Variants in CCDC66 observed in about 807,000 individuals in gnomAD.
CCDC66 encodes coiled-coil domain-containing protein 66.
In CCDC66, 133 loss-of-function variants were observed where a neutral mutation model predicts 128.3. The ratio of observed to expected loss-of-function variants is 1.04; its 90% confidence interval spans 0.90 to 1.20. CCDC66 has a LOEUF of 1.20. CCDC66 is among the 50% of genes most tolerant of loss of function. The probability of loss-of-function intolerance (pLI) is 0.00; values close to 1 mark genes in which losing one functional copy is unlikely to be tolerated. For synonymous variants in CCDC66, 387 were observed against 357.0 expected, an observed-to-expected ratio of 1.08 and a Z score of -0.95; for missense variants, 1,126 against 1,075.5, an observed-to-expected ratio of 1.05 and a Z score of -0.66.
intron 7 of CCDC66, among the ~76,000 whole-genome samples, chr3:56,580,666 T>C (rs1241188594): frequency 6.6e-6 from 1 of 151,860 alleles, no homozygotes; most frequent in Non-Finnish European, 1.5e-5. Flanking sequence ...CCTTCATTTA[T>C]GAAGCTTAGT....
intron 1 of CCDC66, chr3:56,557,901 GAAAT>G (rs2064562030): frequency 6.6e-6 from 1 of 152,438 alleles, no homozygotes; most frequent in East Asian, 1.9e-4. Context: ...TGGGGATATG[GAAAT>G]AAATAAGATA....
intron 7 of CCDC66, among the ~76,000 whole-genome samples, chr3:56,581,391 G>T (rs994472502): frequency 1.3e-5 from 2 of 151,736 alleles, no homozygotes; most frequent in Admixed American, 6.6e-5. Context: ...ATTACCGATC[G>T]TCTGAAGCCT....
At chr3:56,621,409 T>G in intron 17 of CCDC66, 123 bp from the exon 18 acceptor site, 1 of 620,428 alleles carries the variant, frequency 1.6e-6, no homozygotes. Context: ...TGAAAAAATT[T>G]TTGAATGACA....
intron 6 of CCDC66, among the ~76,000 whole-genome samples, chr3:56,568,451 G>A (rs2066185058): frequency 6.6e-6 from 1 of 152,124 alleles, no homozygotes; most frequent in Non-Finnish European, 1.5e-5. Flanking sequence ...TATAATATTT[G>A]ACATCTAGAG....
At chr3:56,600,807 T>C (rs1472373934) in intron 10 of CCDC66, among the ~76,000 whole-genome samples, 1 of 152,136 alleles carries the variant, frequency 6.6e-6, no homozygotes, top group East Asian at 1.9e-4. Context: ...TCATAGTCCT[T>C]TGCCTACTTT....
At chr3:56,573,220 C>A (rs987290801) in intron 7 of CCDC66, among the ~76,000 whole-genome samples, 11 of 152,036 alleles carry the variant, frequency 7.2e-5, no homozygotes, top group Non-Finnish European at 1.5e-4. Flanking sequence ...AGTAAAGAAC[C>A]ATTTGAGGTG....
chr3:56,611,868 G>A (rs2074878432), intron 10 of CCDC66, among the ~76,000 whole-genome samples: 1 of 152,220 alleles, frequency 6.6e-6, no homozygotes, highest in Non-Finnish European at 1.5e-5. Flanking sequence ...CAGTGGGGGT[G>A]TGTGTTCGGG....
Position 56,618,436 on chromosome 3 carries a change from C to T in CCDC66, c.2378+224C>T, listed in dbSNP as rs1475835769. On this transcript the variant is annotated intron_variant, in intron 15 of 17. Coordinates refer to ENST00000394672, the MANE Select transcript of CCDC66 (RefSeq NM_001141947.3). ...TAGGCAGGAATGTAGATAACATTTA[C>T]TTTTATCTCTAGACTTAACTAAGTG... 16 of 460,800 alleles carry T rather than the reference C, an allele frequency of 3.5e-5. No homozygotes were observed. The Middle Eastern group carries it at 1.2e-3, about 35-fold the overall frequency. The allele number at this position is 460,800 out of a possible 1,614,324, so 28.5% of individuals were successfully genotyped here.
At chr3:56,566,501 G>A (rs1235868389) in intron 4 of CCDC66, 93 bp from the exon 5 acceptor site, 9 of 760,554 alleles carry the variant, frequency 1.2e-5, no homozygotes, top group African/African-American at 7.1e-5. Context: ...TTTAAGTAAC[G>A]TGTAAGACAT....
chr3:56,560,991 C>T (rs1032285535), intron 3 of CCDC66: 6 of 451,854 alleles, frequency 1.3e-5, no homozygotes, highest in East Asian at 7.0e-5. Context: ...CTGGAGTACC[C>T]GAAATATCAC....
intron 10 of CCDC66, among the ~76,000 whole-genome samples, chr3:56,611,486 A>C (rs1221055709): frequency 2.0e-5 from 3 of 150,236 alleles, no homozygotes; most frequent in South Asian, 2.1e-4. Context: ...CTATGAAAGA[A>C]GACCTCCCCA....
At chr3:56,588,947 A>G (rs2070335937) in intron 7 of CCDC66, among the ~76,000 whole-genome samples, 1 of 152,254 alleles carries the variant, frequency 6.6e-6, no homozygotes, top group South Asian at 2.1e-4. Context: ...TAAAGTATTC[A>G]TCTCAAGAGG....
intron 15 of CCDC66, 123 bp from the exon 16 acceptor site, chr3:56,619,148 C>G (rs868402700): frequency 2.6e-6 from 2 of 761,412 alleles, no homozygotes; most frequent in African/African-American, 1.8e-5. Context: ...GAGCTGAGAT[C>G]GCGCCACTGC....
intron 3 of CCDC66, among the ~76,000 whole-genome samples, chr3:56,563,268 G>A (rs1353898544): frequency 1.3e-5 from 2 of 152,018 alleles, no homozygotes; most frequent in African/African-American, 4.8e-5. Context: ...GGCTGAGGCA[G>A]GAGAATTGCT....
chr3:56,612,593 CAGT>C (rs113461827), intron 10 of CCDC66, among the ~76,000 whole-genome samples: 1,997 of 152,200 alleles, frequency 0.013, 39 homozygotes, highest in African/African-American at 0.044. Context: ...TGGGCAATGG[CAGT>C]AGTAGTAGTG....
chr3:56,574,009 C>A (rs1372302621), intron 7 of CCDC66, among the ~76,000 whole-genome samples: 1 of 151,564 alleles, frequency 6.6e-6, no homozygotes, highest in Non-Finnish European at 1.5e-5. Context: ...CATGCTATAT[C>A]CAGGACTGGA....
chr3:56,569,946 T>C (rs1184833249), intron 6 of CCDC66: 1 of 152,282 alleles, frequency 6.6e-6, no homozygotes, highest in Non-Finnish European at 1.5e-5. Context: ...GTGATTCTCC[T>C]GCCTCAGCCT....
chr3:56,616,405 G>A (rs565601079), intron 13 of CCDC66: 72 of 240,342 alleles, frequency 3.0e-4, no homozygotes, highest in Admixed American at 5.9e-4. Context: ...GACATTTCAC[G>A]TAACTGGAAT....
intron 7 of CCDC66, among the ~76,000 whole-genome samples, chr3:56,573,593 G>A (rs1447513845): frequency 1.3e-5 from 2 of 152,216 alleles, no homozygotes; most frequent in East Asian, 3.8e-4. Flanking sequence ...CATGATCCAA[G>A]GGTAGAGTTT....
Sources: gnomAD v4.1 joint callset for allele counts (sites outside exome capture counted in the v4.1 genomes callset) on GRCh38, gnomAD v4.1.1 for gene constraint, MANE v1.5 for transcripts, NCBI Gene and HGNC (gene_info 2026-07-23, HGNC 2026-07-21) for gene names.